RIT2: variants seen among roughly 807,000 people sequenced by gnomAD.
The protein encoded by RIT2 is GTP-binding protein Rit2.
Under a neutral mutation model 23.7 loss-of-function variants are expected in RIT2, and 24 were observed. The observed-to-expected ratio is 1.01, with a 90% CI of 0.73 to 1.43. The LOEUF is 1.43. Among genes scored for constraint, RIT2 ranks in the 40% most tolerant of loss-of-function variants. RIT2 has a pLI of 0.00. For synonymous variants in RIT2, 107 were observed against 91.1 expected (o/e 1.17, Z -0.99); for missense variants, 236 against 266.9 (o/e 0.88, Z 0.81).
At chr18:43,112,742 A>G (rs1170308075) in intron 1 of RIT2, among the ~76,000 whole-genome samples, 8 of 152,162 alleles carry the variant, frequency 5.3e-5, no homozygotes, top group Non-Finnish European at 1.0e-4. Context: ...CATCTCTACA[A>G]AAAGAAAAAT....
At chr18:43,107,948 G>A (rs1180034243) in intron 1 of RIT2, among the ~76,000 whole-genome samples, 1 of 151,340 alleles carries the variant, frequency 6.6e-6, no homozygotes, top group Non-Finnish European at 1.5e-5. Context: ...TGGATGACGA[G>A]GTCAGGAGAT....
intron 3 of RIT2, among the ~76,000 whole-genome samples, chr18:42,936,838 C>A (rs1478335893): frequency 6.6e-6 from 1 of 151,884 alleles, no homozygotes; most frequent in Non-Finnish European, 1.5e-5. Flanking sequence ...ATGGTAAAAC[C>A]CCGTCTCTAC....
chr18:42,823,513 A>G (rs1472929421), intron 4 of RIT2, among the ~76,000 whole-genome samples: 1 of 152,176 alleles, frequency 6.6e-6, no homozygotes, highest in Non-Finnish European at 1.5e-5. Context: ...TATAAAAAGC[A>G]TATTTAGGTG....
At chr18:42,861,620 C>A (rs1464608656) in intron 4 of RIT2, among the ~76,000 whole-genome samples, 1 of 152,202 alleles carries the variant, frequency 6.6e-6, no homozygotes, top group Non-Finnish European at 1.5e-5. Flanking sequence ...CAGAGACCCC[C>A]ATCTCTTTCT....
intron 1 of RIT2, among the ~76,000 whole-genome samples, chr18:43,114,680 T>G (rs1020199132): frequency 6.6e-6 from 1 of 152,198 alleles, no homozygotes; most frequent in Non-Finnish European, 1.5e-5. Flanking sequence ...AATTTTTTTA[T>G]ATTTGGCCTT....
intron 4 of RIT2, among the ~76,000 whole-genome samples, chr18:42,749,432 ATTAAT>A (rs1337274925): frequency 6.6e-6 from 1 of 151,766 alleles, no homozygotes; most frequent in Non-Finnish European, 1.5e-5. Flanking sequence ...AGCTCAGCAA[ATTAAT>A]TTAAAGAAAG....
intron 1 of RIT2, among the ~76,000 whole-genome samples, chr18:43,089,770 C>T (rs1396221696): frequency 1.3e-5 from 2 of 151,792 alleles, no homozygotes; most frequent in Non-Finnish European, 2.9e-5. Context: ...GCAAAACTGA[C>T]AAAAACAAGC....
At chr18:42,967,536 A>ATTTTTTTTT (rs397940927) in intron 3 of RIT2, among the ~76,000 whole-genome samples, 23 of 80,756 alleles carry the variant, frequency 2.8e-4, no homozygotes, top group Non-Finnish European at 3.7e-4. Context: ...CGCCCGGCTA[A>ATTTTTTTTT]TTTTTTTTTT....
intron 2 of RIT2, among the ~76,000 whole-genome samples, chr18:43,010,206 T>A (rs556437223): frequency 3.9e-5 from 6 of 151,936 alleles, no homozygotes; most frequent in African/African-American, 1.4e-4. Flanking sequence ...AAGAAAACAC[T>A]GCAGGTTTGT....
At chr18:42,790,572 G>A (rs991410824) in intron 4 of RIT2, among the ~76,000 whole-genome samples, 1 of 152,146 alleles carries the variant, frequency 6.6e-6, no homozygotes, top group Non-Finnish European at 1.5e-5. Flanking sequence ...GGAATTTCAG[G>A]CGTCTGCCAC....
At chr18:42,887,758 C>G (rs1908060817) in intron 4 of RIT2, among the ~76,000 whole-genome samples, 2 of 152,098 alleles carry the variant, frequency 1.3e-5, no homozygotes, top group African/African-American at 2.4e-5. Flanking sequence ...TGAAAGCAAC[C>G]AAGTTGCCTC....
At chr18:42,868,163 C>T (rs1907523217) in intron 4 of RIT2, among the ~76,000 whole-genome samples, 1 of 152,190 alleles carries the variant, frequency 6.6e-6, no homozygotes, top group South Asian at 2.1e-4. Flanking sequence ...TATTTTTCCA[C>T]ACATTCTTTT....
chr18:43,013,630 C>T (rs1911403336), intron 2 of RIT2, among the ~76,000 whole-genome samples: 1 of 151,814 alleles, frequency 6.6e-6, no homozygotes, highest in Non-Finnish European at 1.5e-5. Flanking sequence ...TTATACAGTG[C>T]TGAAGTATTA....
chr18:42,835,231 G>T (rs1906562930), intron 4 of RIT2, among the ~76,000 whole-genome samples: 1 of 151,980 alleles, frequency 6.6e-6, no homozygotes, highest in Non-Finnish European at 1.5e-5. Flanking sequence ...GATTATGGCT[G>T]CTCTTGACCC....
intron 4 of RIT2, among the ~76,000 whole-genome samples, chr18:42,836,881 G>A (rs1906619477): frequency 6.6e-6 from 1 of 151,988 alleles, no homozygotes. Flanking sequence ...AAAGACTCTC[G>A]AGAATACTGC....
chr18:43,016,282 C>T (rs1449078620), intron 2 of RIT2, among the ~76,000 whole-genome samples: 1 of 151,782 alleles, frequency 6.6e-6, no homozygotes, highest in African/African-American at 2.4e-5. Flanking sequence ...CTAATACACA[C>T]GAATTGTTGC....
At chr18:42,745,921 C>T (rs2143873961) in intron 4 of RIT2, among the ~76,000 whole-genome samples, 1 of 152,202 alleles carries the variant, frequency 6.6e-6, no homozygotes, top group South Asian at 2.1e-4. Flanking sequence ...CATTAGGTTA[C>T]ACTTATATTA....
intron 4 of RIT2, among the ~76,000 whole-genome samples, chr18:42,757,734 T>C (rs1913197887): frequency 6.6e-6 from 1 of 152,186 alleles, no homozygotes; most frequent in Admixed American, 6.5e-5. Context: ...CAGTTCCCTG[T>C]CCTATTTCTC....
chr18:42,963,414 A>C (rs1910136479), intron 3 of RIT2, among the ~76,000 whole-genome samples: 1 of 152,220 alleles, frequency 6.6e-6, no homozygotes, highest in South Asian at 2.1e-4. Context: ...GAAGAAAATA[A>C]CTGGAAAACT....
Sources: allele counts gnomAD v4.1 joint callset (sites outside exome capture counted in the v4.1 genomes callset), GRCh38; gene constraint gnomAD v4.1.1; transcripts MANE v1.5; gene names NCBI Gene and HGNC (gene_info 2026-07-23, HGNC 2026-07-21).